Variants in ABCC11 observed in about 807,000 individuals in gnomAD.
The protein encoded by ABCC11 is ATP-binding cassette sub-family C member 11.
In ABCC11, 135 loss-of-function variants were observed where a neutral mutation model predicts 149.3. That is an observed-to-expected ratio of 0.90 (90% CI 0.79 to 1.04). ABCC11 has a LOEUF of 1.04. Among genes scored for constraint, ABCC11 ranks in the 50% least tolerant of loss-of-function variants. The probability of loss-of-function intolerance (pLI) is 0.00; values close to 1 mark genes in which losing one functional copy is unlikely to be tolerated. For synonymous variants in ABCC11, 665 were observed against 671.4 expected, an observed-to-expected ratio of 0.99 and a Z score of 0.15; for missense variants, 1,680 against 1,722.1, an observed-to-expected ratio of 0.98 and a Z score of 0.43.
At chr16:48,175,162 G>T in intron 26 of ABCC11, 96 bp downstream of exon 26, 1 of 1,457,898 alleles carries the variant, frequency 6.9e-7, no homozygotes. Flanking sequence ...CCTGGAAATC[G>T]GGGCATTGGT....
chr16:48,208,563 C>A lies in ABCC11; in HGVS notation c.1609-67G>T. On this transcript the variant is annotated intron_variant, in intron 11 of 29. Coordinates refer to ENST00000356608, the MANE Select transcript of ABCC11 (RefSeq NM_001370497.1). ...CCCTGGCATACCCACCTGCCCATGG[C>A]GGCTCAACTGTTTAGAACCCAAAAC... is the stretch of plus-strand genomic sequence containing the variant. 5 of 1,566,116 alleles carry A rather than the reference C, an allele frequency of 3.2e-6. No individual in the cohort carries two copies. The South Asian group carries it at 4.5e-5, about 14-fold the overall frequency.
At chr16:48,214,822 G>A in intron 9 of ABCC11, 59 bp downstream of exon 9, 1 of 1,601,672 alleles carries the variant, frequency 6.2e-7, no homozygotes, top group Non-Finnish European at 8.5e-7. Flanking sequence ...GCTAAAAAAG[G>A]ACACGTGAGA....
At chr16:48,217,918 G>C (rs1369566083) in intron 6 of ABCC11, among the ~76,000 whole-genome samples, 1 of 152,154 alleles carries the variant, frequency 6.6e-6, no homozygotes, top group African/African-American at 2.4e-5. Flanking sequence ...GTTAGATGAA[G>C]CACATACAAG....
At position 48,215,833 on chromosome 16, in the gene ABCC11, A is replaced by T. The variant is rs1468583560; in HGVS notation, c.951+281T>A. Reference sequence around the variant, plus strand: ...TCTGGGGAGAAGAGACGGAACAAAAATCTCGCACAGAGATTATCTACAAAG... The same window carrying T: ...TCTGGGGAGAAGAGACGGAACAAAATTCTCGCACAGAGATTATCTACAAAG... On this transcript the variant is annotated intron_variant, in intron 7 of 29. Coordinates refer to ENST00000356608, the MANE Select transcript of ABCC11 (RefSeq NM_001370497.1). 3.3e-5 allele frequency among the ~76,000 whole-genome samples: 5 copies of T among 152,238 alleles called. No individual in the cohort carries two copies. In the East Asian group the frequency reaches 9.6e-4, roughly 29 times the overall value.
At position 48,175,303 on chromosome 16, in the gene ABCC11, A is replaced by T. The variant is rs767556764; in HGVS notation, c.3653T>A (p.Leu1218His). The T allele has an allele frequency of 7.4e-6, 12 of 1,613,964 alleles. No individual in the cohort carries two copies. Among genetic ancestry groups the T allele is most frequent in the Admixed American group, 1.7e-5 (1 of 60,010 alleles). ...SIGLEDLRSK[L>H]SVIPQDPVLL... is the part of the protein sequence containing the mutation. ...CACTGGATCTTGAGGGATCACTGAG[A>T]GCTTGGACCGCAAGTCCTCCAGGCC... The change falls in exon 26 of 30, where the codon CTC (leucine) becomes CAC (histidine). Residue 1218 changes from leucine (L) to histidine (H), a missense_variant. Physicochemically the swap from Leu to His is moderately conservative, Grantham distance 99. Transcript: ENST00000356608.
chr16:48,238,613 C>CA (rs1244092260), intron 1 of ABCC11, among the ~76,000 whole-genome samples: 8 of 150,384 alleles, frequency 5.3e-5, no homozygotes, highest in East Asian at 1.9e-4. Context: ...CAAAAAAAAA[C>CA]AAAAAAAAGA....
rs115244416 is a variant in ABCC11, at chr16:48,184,644, G to C, written c.3072-18C>G. 2.8e-3 allele frequency: 4,561 copies of C among 1,609,524 alleles called. 135 individuals carry two copies. In the African/African-American group the frequency reaches 0.054, roughly 19 times the overall value. On this transcript the variant is annotated intron_variant, in intron 22 of 29. Transcript: ENST00000356608. The stretch of plus-strand genomic sequence containing the variant: ...TCTTAAACCTGAGAAGGAAAGCACA[G>C]ACTAAGAACCATGTGTTTGTCTGAC...
At chr16:48,171,223 C>T (rs1965700205) in intron 26 of ABCC11, among the ~76,000 whole-genome samples, 1 of 152,216 alleles carries the variant, frequency 6.6e-6, no homozygotes, top group Non-Finnish European at 1.5e-5. Flanking sequence ...GCTCCACCAT[C>T]CACTCCTGAT....
chr16:48,172,844 G>A (rs1181049209), intron 26 of ABCC11, among the ~76,000 whole-genome samples: 3 of 152,156 alleles, frequency 2.0e-5, no homozygotes, highest in Admixed American at 6.5e-5. Context: ...CATGAGAGAG[G>A]GAATCTATCT....
chr16:48,215,783 T>C (rs531814561), intron 7 of ABCC11, among the ~76,000 whole-genome samples: 2 of 152,362 alleles, frequency 1.3e-5, no homozygotes, highest in African/African-American at 4.8e-5. Context: ...TGTTAAATGC[T>C]GGCTGTGTTA....
intron 23 of ABCC11, among the ~76,000 whole-genome samples, chr16:48,182,742 C>A (rs1304070696): frequency 6.7e-6 from 1 of 148,886 alleles, no homozygotes; most frequent in African/African-American, 2.5e-5. Context: ...GAGATCGCAT[C>A]ACTGCACTCC....
intron 2 of ABCC11, 36 bp downstream of exon 2, chr16:48,231,787 G>T: frequency 6.2e-7 from 1 of 1,603,634 alleles, no homozygotes; most frequent in African/African-American, 1.3e-5. Context: ...TGCCAACTCA[G>T]TTTCCTGGTG....
chr16:48,203,153 TC>T, intron 14 of ABCC11, 74 bp downstream of exon 14: 1 of 1,426,040 alleles, frequency 7.0e-7, no homozygotes, highest in Non-Finnish European at 9.6e-7. Flanking sequence ...ATTCCTCCCT[TC>T]CCTGCCTGGG....
chr16:48,182,713 G>T (rs936379603), intron 23 of ABCC11, among the ~76,000 whole-genome samples: 3 of 151,594 alleles, frequency 2.0e-5, no homozygotes, highest in Non-Finnish European at 4.4e-5. Flanking sequence ...AACCCAGGGG[G>T]TGGAGCTTGC....
At position 48,193,878 on chromosome 16, in the gene ABCC11, C is replaced by A. The variant is rs769682524; in HGVS notation, c.2508+1G>T. 12 of 1,612,154 alleles carry A rather than the reference C, an allele frequency of 7.4e-6. No homozygotes were observed. The highest frequency in any genetic ancestry group is 1.3e-5 in the African/African-American group (1 of 74,866). ...CAGCCCATCCACCTCATGGCACTCA[C>A]CCCCGAGCCCTGCTCCAACCAGTAG... On this transcript the variant is annotated splice_donor_variant, in intron 19 of 29. Transcript: ENST00000356608. LOFTEE classifies it high-confidence loss of function.
At chr16:48,195,336 C>T (rs1002660418) in intron 18 of ABCC11, among the ~76,000 whole-genome samples, 10 of 152,304 alleles carry the variant, frequency 6.6e-5, no homozygotes, top group Middle Eastern at 3.4e-3. Flanking sequence ...TCATGCATTT[C>T]ACAAGCATTT....
Position 48,187,152 on chromosome 16 carries a change from TTGGTCCCAGCCTTGCTC to T in ABCC11, c.2933+32_2933+48del, listed in dbSNP as rs750350095. The T allele has an allele frequency of 2.2e-5, 35 of 1,613,472 alleles. No individual in the cohort carries two copies. In the South Asian group the frequency reaches 3.7e-4, roughly 17 times the overall value. ...CACCTCTGGGACCATCTAGTCTGGG[TTGGTCCCAGCCTTGCTC>T]CCCAAGTCACAAGCAAAAAGAACCT... On this transcript the variant is annotated intron_variant, in intron 21 of 29. Coordinates refer to ENST00000356608, the MANE Select transcript of ABCC11 (RefSeq NM_001370497.1).
At chr16:48,210,653 C>T (rs987882551) in intron 11 of ABCC11, 19 of 386,046 alleles carry the variant, frequency 4.9e-5, no homozygotes, top group Non-Finnish European at 8.4e-5. Context: ...TTAGCTGGGT[C>T]TCCTTTCCCT....
At chr16:48,195,183 T>C (rs1967283104) in intron 18 of ABCC11, among the ~76,000 whole-genome samples, 1 of 152,360 alleles carries the variant, frequency 6.6e-6, no homozygotes, top group Admixed American at 6.5e-5. Context: ...TACCATCTGA[T>C]GGAAGCAAGT....
Sources: allele counts gnomAD v4.1 joint callset (sites outside exome capture counted in the v4.1 genomes callset), GRCh38; gene constraint gnomAD v4.1.1; transcripts MANE v1.5; gene names NCBI Gene and HGNC (gene_info 2026-07-23, HGNC 2026-07-21).